Variants in KCNQ1 observed in about 807,000 individuals in gnomAD.
The protein encoded by KCNQ1 is potassium voltage-gated channel subfamily KQT member 1.
A neutral mutation model predicts 72.4 loss-of-function variants in KCNQ1; 49 were observed. The observed-to-expected ratio is 0.68, with a 90% confidence interval of 0.54 to 0.86. The LOEUF (loss-of-function observed/expected upper bound fraction) is 0.86, where lower values mean the gene tolerates loss of function less well. Ranked by LOEUF, KCNQ1 falls within the 40% of genes least tolerant of loss-of-function variation. The pLI, the probability that KCNQ1 is intolerant of heterozygous loss-of-function variation, is 0.00. For missense variants in KCNQ1, 790 were observed against 945.1 expected (o/e 0.84, Z 2.15); for synonymous variants, 450 against 412.6 (o/e 1.09, Z -1.10).
At position 2,759,163 on chromosome 11, in the gene KCNQ1, G is replaced by C. The variant is rs1846349923; in HGVS notation, c.1515-9681G>C. 6.6e-6 allele frequency among the ~76,000 whole-genome samples: 1 copy of C among 151,068 alleles called. No homozygotes were observed. Among genetic ancestry groups the C allele is most frequent in the South Asian group, 2.1e-4 (1 of 4,816 alleles). On this transcript the variant is annotated intron_variant, in intron 11 of 15. Transcript: ENST00000155840. This position sits in a 1 kb window ranked among gnomAD's most constrained non-coding sequence, Gnocchi z 4.4. ...GTCTATAATTGTTTCAAAATAAAAAGAAGCAAAACAACACACTGGGAGGTG... is the reference window on the plus strand; with the variant it reads ...GTCTATAATTGTTTCAAAATAAAAACAAGCAAAACAACACACTGGGAGGTG...
chr11:2,643,903 T>C (rs1849620585), intron 10 of KCNQ1: 1 of 398,616 alleles, frequency 2.5e-6, no homozygotes, highest in East Asian at 3.6e-5. Context: ...TTTTGTTTTT[T>C]CTTTCAGCAC....
rs575207808 is a variant in KCNQ1, at chr11:2,619,752, T to C, written c.1393+30898T>C. On this transcript the variant is annotated intron_variant, in intron 10 of 15. Coordinates refer to ENST00000155840, the MANE Select transcript of KCNQ1 (RefSeq NM_000218.3). Reference sequence around the variant, plus strand: ...GAAGTATTCCCTATAGCTGCATTTTTTTGGAAGAGTTTAAGAAGTATTGGT... The same window carrying C: ...GAAGTATTCCCTATAGCTGCATTTTCTTGGAAGAGTTTAAGAAGTATTGGT... The C allele has an allele frequency of 5.3e-4, 211 of 398,464 alleles. No homozygotes were observed. The highest frequency in any genetic ancestry group is 4.0e-3 in the African/African-American group (194 of 48,690). 24.7% of individuals were successfully genotyped at this position (398,464 alleles called of 1,614,324 possible). A position where few individuals can be genotyped will look rare whatever the true frequency, so the allele number is the denominator to read the frequency against.
intron 6 of KCNQ1, among the ~76,000 whole-genome samples, chr11:2,574,207 C>CA (rs1848384250): frequency 6.6e-6 from 1 of 152,198 alleles, no homozygotes; most frequent in African/African-American, 2.4e-5. Context: ...CACTAAGGCC[C>CA]AGGGTGGCAC....
In KCNQ1 at chr11:2,537,357, A is replaced by G. The variant is rs979109169; in HGVS notation, c.477+9339A>G. Reference sequence around the variant, plus strand: ...CCAGGAAAGGTTTGCCACGCTATTTATTTAGCAGGATAATTTTGGAAAGAG... The same window carrying G: ...CCAGGAAAGGTTTGCCACGCTATTTGTTTAGCAGGATAATTTTGGAAAGAG... On this transcript the variant is annotated intron_variant, in intron 2 of 15. Transcript: ENST00000155840. The surrounding 1 kb of genome is among the most constrained non-coding windows in gnomAD (Gnocchi z 5.2). 2.6e-5 allele frequency among the ~76,000 whole-genome samples: 4 copies of G among 152,066 alleles called. No individual in the cohort carries two copies. Among genetic ancestry groups the G allele is most frequent in the African/African-American group, 9.7e-5 (4 of 41,312 alleles).
In KCNQ1 at chr11:2,815,917, C is replaced by A. The variant is rs1205382800; in HGVS notation, c.1795-31850C>A. Among the ~76,000 whole-genome samples the A allele has an allele frequency of 2.0e-5, 3 of 152,202 alleles. No homozygotes were observed. The highest frequency in any genetic ancestry group is 7.2e-5 in the African/African-American group (3 of 41,462). On this transcript the variant is annotated intron_variant, in intron 15 of 15. Transcript: ENST00000155840. The surrounding 1 kb of genome is among the most constrained non-coding windows in gnomAD (Gnocchi z 5.4). ...GCCGAAAAATTAAGCACCGCTGAGT[C>A]GCCGCACACCTGTCAGGGTGGAGGG...
At chr11:2,692,626 C>T in intron 11 of KCNQ1, 1 of 398,716 alleles carries the variant, frequency 2.5e-6, no homozygotes. Context: ...ACCTGCTGTG[C>T]TCCCAGGCCT....
At chr11:2,718,971 C>A (rs1275584598) in intron 11 of KCNQ1, among the ~76,000 whole-genome samples, 1 of 152,372 alleles carries the variant, frequency 6.6e-6, no homozygotes, top group South Asian at 2.1e-4. Flanking sequence ...TGAATCCCCA[C>A]CCTGGGGTGA....
At chr11:2,570,840 C>T in intron 3 of KCNQ1, 86 bp downstream of exon 3, 1 of 1,578,066 alleles carries the variant, frequency 6.3e-7, no homozygotes, top group Admixed American at 1.7e-5. Context: ...CAGATGGAGT[C>T]CCCTAAGGAC....
At chr11:2,681,344 T>C (rs930163291) in intron 11 of KCNQ1, 18 of 398,404 alleles carry the variant, frequency 4.5e-5, no homozygotes, top group African/African-American at 3.3e-4. Flanking sequence ...CGTCTTTTCC[T>C]TGTAGCTCCC....
chr11:2,700,733 C>A (rs567401560), intron 11 of KCNQ1, among the ~76,000 whole-genome samples: 1 of 152,222 alleles, frequency 6.6e-6, no homozygotes, highest in East Asian at 1.9e-4. Flanking sequence ...GCCGAGGGCG[C>A]CCCGCGCCTG....
chr11:2,558,946 C>T (rs1848114992), intron 2 of KCNQ1, among the ~76,000 whole-genome samples: 1 of 152,100 alleles, frequency 6.6e-6, no homozygotes, highest in Non-Finnish European at 1.5e-5. Context: ...GAAGCCTCCC[C>T]CACTACACCC....
chr11:2,811,018 A>G (rs531821016), intron 15 of KCNQ1, among the ~76,000 whole-genome samples: 1 of 152,244 alleles, frequency 6.6e-6, no homozygotes, highest in South Asian at 2.1e-4. Flanking sequence ...TGGCATTCAG[A>G]GCAGCAGATG....
chr11:2,727,356 G>C (rs138025196), intron 11 of KCNQ1, among the ~76,000 whole-genome samples: 1 of 152,174 alleles, frequency 6.6e-6, no homozygotes, highest in Non-Finnish European at 1.5e-5. Context: ...GGACAATCAC[G>C]GTAGCTACGT....
intron 11 of KCNQ1, among the ~76,000 whole-genome samples, chr11:2,709,275 TC>T (rs1217070210): frequency 1.5e-5 from 2 of 131,492 alleles, no homozygotes; most frequent in African/African-American, 2.9e-5. Context: ...GGCTCCCTGT[TC>T]CTGGGCTTTC....
intron 11 of KCNQ1, chr11:2,675,417 A>T (rs1850276405): frequency 5.0e-6 from 2 of 398,546 alleles, no homozygotes; most frequent in Non-Finnish European, 8.8e-6. Flanking sequence ...TGAAAAATAT[A>T]TTGTCATTTT....
intron 11 of KCNQ1, among the ~76,000 whole-genome samples, chr11:2,761,280 G>C (rs2078571667): frequency 9.0e-6 from 1 of 110,782 alleles, no homozygotes; most frequent in African/African-American, 3.2e-5. Context: ...GGTGCCTGTT[G>C]GTGCCTGTCG....
chr11:2,490,515 A>C (rs1487679459), intron 1 of KCNQ1, among the ~76,000 whole-genome samples: 1 of 152,250 alleles, frequency 6.6e-6, no homozygotes, highest in African/African-American at 2.4e-5. Context: ...GCACAGTCCC[A>C]GTGGTGGTGG....
At chr11:2,535,630 C>T (rs1025427503) in intron 2 of KCNQ1, among the ~76,000 whole-genome samples, 2 of 152,218 alleles carry the variant, frequency 1.3e-5, no homozygotes, top group African/African-American at 4.8e-5. Flanking sequence ...CCTTTCAGAG[C>T]CCTGTGGCGT....
chr11:2,566,855 T>C lies in KCNQ1; in HGVS notation c.478-3773T>C, dbSNP rs1247892038. ...CTCAGAGAAGGCCCTGGGGCTGGCCTTGTTATCAGTGGGGGAGTCAGGAAG... is the reference window on the plus strand; with the variant it reads ...CTCAGAGAAGGCCCTGGGGCTGGCCCTGTTATCAGTGGGGGAGTCAGGAAG... On this transcript the variant is annotated intron_variant, in intron 2 of 15. Transcript: ENST00000155840. The surrounding 1 kb of genome is among the most constrained non-coding windows in gnomAD (Gnocchi z 6.7). Among the ~76,000 whole-genome samples the C allele has an allele frequency of 1.3e-5, 2 of 152,038 alleles. No homozygotes were observed. The highest frequency in any genetic ancestry group is 2.9e-5 in the Non-Finnish European group (2 of 68,000).
Sources: allele counts gnomAD v4.1 joint callset (sites outside exome capture counted in the v4.1 genomes callset), GRCh38; gene constraint gnomAD v4.1.1; non-coding constraint Gnocchi (gnomAD v3.1); transcripts MANE v1.5; gene names NCBI Gene and HGNC (gene_info 2026-07-23, HGNC 2026-07-21).